Variants in SLC39A11 observed in about 807,000 individuals in gnomAD.
The protein encoded by SLC39A11 is solute carrier family 39 member 11, also known as zinc transporter ZIP11.
Under a neutral mutation model 36.1 loss-of-function variants are expected in SLC39A11, and 33 were observed. The ratio of observed to expected loss-of-function variants is 0.91; its 90% CI spans 0.69 to 1.22. SLC39A11 has a LOEUF of 1.22. Ranked by LOEUF, SLC39A11 falls within the 50% of genes most tolerant of loss-of-function variation. The pLI, the probability that SLC39A11 is intolerant of heterozygous loss-of-function variation, is 0.00. For missense variants in SLC39A11, 432 were observed against 430.3 expected (o/e 1.00, Z -0.03); for synonymous variants, 166 against 170.3 (o/e 0.97, Z 0.20).
At chr17:72,702,096 ACT>A (rs1486216856) in intron 7 of SLC39A11, among the ~76,000 whole-genome samples, 9 of 152,150 alleles carry the variant, frequency 5.9e-5, no homozygotes, top group Admixed American at 2.0e-4. Flanking sequence ...ATGGAGTGAG[ACT>A]CTGTCTCCAT....
chr17:72,731,062 T>C (rs2074196368), intron 7 of SLC39A11, among the ~76,000 whole-genome samples: 1 of 152,140 alleles, frequency 6.6e-6, no homozygotes, highest in South Asian at 2.1e-4. Context: ...CCATGCCCAT[T>C]TCTTTACGTA....
chr17:72,984,869 T>A (rs2088597646), intron 4 of SLC39A11, among the ~76,000 whole-genome samples: 1 of 152,208 alleles, frequency 6.6e-6, no homozygotes, highest in Non-Finnish European at 1.5e-5. Context: ...CATAACAATA[T>A]CCCAAATCTA....
rs181118177 is a variant in SLC39A11 at position 72,699,036 on chromosome 17, A to G, written c.671+37614T>C. On this transcript the variant is annotated intron_variant, in intron 7 of 9. Coordinates refer to ENST00000255559, the MANE Select transcript of SLC39A11 (RefSeq NM_139177.4). ...AGTAGAGACGGGGTTTCACCATGTT[A>G]GCCAGGATGGTCTCGATCTCCTGAC... 8.0e-4 allele frequency among the ~76,000 whole-genome samples: 121 copies of G among 152,150 alleles called. No individual in the cohort carries two copies. The East Asian group carries it at 0.019, about 24-fold the overall frequency.
chr17:72,951,846 C>T (rs976400290), intron 4 of SLC39A11, among the ~76,000 whole-genome samples: 1 of 152,120 alleles, frequency 6.6e-6, no homozygotes, highest in Non-Finnish European at 1.5e-5. Context: ...TTGTTCTTCC[C>T]TTACTTTCAG....
intron 5 of SLC39A11, among the ~76,000 whole-genome samples, chr17:72,877,541 T>C (rs1322309581): frequency 6.6e-6 from 1 of 152,136 alleles, no homozygotes. Flanking sequence ...AACCTACCAA[T>C]TACTTTTCCC....
chr17:72,889,790 A>C (rs1262699888), intron 5 of SLC39A11, among the ~76,000 whole-genome samples: 1 of 152,228 alleles, frequency 6.6e-6, no homozygotes, highest in East Asian at 1.9e-4. Context: ...TTGCACGGCA[A>C]TAGTTTTTTC....
chr17:72,678,118 T>C (rs2071354174), intron 7 of SLC39A11, among the ~76,000 whole-genome samples: 1 of 152,206 alleles, frequency 6.6e-6, no homozygotes, highest in Non-Finnish European at 1.5e-5. Context: ...ATAACTTTCC[T>C]GAGCTCACAG....
intron 5 of SLC39A11, among the ~76,000 whole-genome samples, chr17:72,877,045 A>C (rs1210941972): frequency 6.6e-6 from 1 of 152,244 alleles, no homozygotes; most frequent in African/African-American, 2.4e-5. Flanking sequence ...TGCATAATGT[A>C]GGTTAGTGTC....
chr17:72,971,653 T>C (rs990806097), intron 4 of SLC39A11, among the ~76,000 whole-genome samples: 3 of 152,316 alleles, frequency 2.0e-5, no homozygotes, highest in Admixed American at 6.5e-5. Flanking sequence ...CAGCAGCTCC[T>C]GGCTGTCCCA....
At chr17:72,741,895 G>T (rs1171196758) in intron 6 of SLC39A11, among the ~76,000 whole-genome samples, 1 of 152,104 alleles carries the variant, frequency 6.6e-6, no homozygotes, top group African/African-American at 2.4e-5. Context: ...TCATCAAAAA[G>T]AGGTAAGCAA....
At chr17:73,006,995 C>T (rs1036631148) in intron 4 of SLC39A11, among the ~76,000 whole-genome samples, 7 of 152,146 alleles carry the variant, frequency 4.6e-5, no homozygotes, top group African/African-American at 1.7e-4. Flanking sequence ...GGCTCTGTGC[C>T]AGGCGCTGGG....
At chr17:72,928,164 G>A (rs769187454) in intron 5 of SLC39A11, among the ~76,000 whole-genome samples, 17 of 152,290 alleles carry the variant, frequency 1.1e-4, no homozygotes, top group Middle Eastern at 6.8e-3. Flanking sequence ...AAAATAGCAG[G>A]ATGACTATTT....
At position 72,798,414 on chromosome 17, in the gene SLC39A11, C is replaced by CT. The variant is rs145211486; in HGVS notation, c.601+51219dup. Among the ~76,000 whole-genome samples, 33 of 140,662 alleles carry CT rather than the reference C, an allele frequency of 2.3e-4. 7 individuals are homozygous for CT. The highest frequency in any genetic ancestry group is 2.2e-4 in the South Asian group (1 of 4,530). 92.3% of individuals were successfully genotyped at this position (140,662 alleles called of 152,430 possible). A position where few individuals can be genotyped will look rare whatever the true frequency, so the allele number is the denominator to read the frequency against. ...GAGCTCTGGTCTCTTCCACTTCTTT[C>CT]TTTCTTTTTTTTTTTTTGAGATGGA... On this transcript the variant is annotated intron_variant, in intron 6 of 9. Transcript: ENST00000255559.
intron 4 of SLC39A11, among the ~76,000 whole-genome samples, chr17:72,958,775 T>C (rs2147889294): frequency 6.6e-6 from 1 of 150,736 alleles, no homozygotes. Flanking sequence ...TGCTTGAACC[T>C]GGGAGGCGGA....
rs62071179 is a variant in SLC39A11 at position 72,777,900 on chromosome 17, C to T, written c.602-41181G>A. Among the ~76,000 whole-genome samples the T allele has an allele frequency of 1.2e-3, 110 of 95,186 alleles. 1 individual carries two copies. Among genetic ancestry groups the T allele is most frequent in the African/African-American group, 2.9e-3 (103 of 36,064 alleles). The allele number at this position is 95,186 out of a possible 152,430, so 62.4% of individuals were successfully genotyped here. A position where few individuals can be genotyped will look rare whatever the true frequency, so the allele number is the denominator to read the frequency against. On this transcript the variant is annotated intron_variant, in intron 6 of 9. Coordinates refer to ENST00000255559, the MANE Select transcript of SLC39A11 (RefSeq NM_139177.4). ...ATGTATGTATGTATGTATGTATGTA[C>T]GTACATACTTACTTACTTATTTGAG...
Position 72,795,495 on chromosome 17 carries a change from C to G in SLC39A11, c.601+54139G>C, listed in dbSNP as rs145285457. ...AACAGAGCAACCAAGATGGAAGCCA[C>G]AGAGACTTCACTTGACCTCAACTCT... is the stretch of plus-strand genomic sequence containing the variant. On this transcript the variant is annotated intron_variant, in intron 6 of 9. Transcript: ENST00000255559. 8.6e-4 allele frequency among the ~76,000 whole-genome samples: 131 copies of G among 152,290 alleles called. 1 individual carries two copies. Among genetic ancestry groups the G allele is most frequent in the Non-Finnish European group, 1.4e-3 (97 of 68,022 alleles).
At chr17:72,680,891 C>CGA (rs2071483261) in intron 7 of SLC39A11, among the ~76,000 whole-genome samples, 1 of 152,160 alleles carries the variant, frequency 6.6e-6, no homozygotes, top group Non-Finnish European at 1.5e-5. Flanking sequence ...TTTCTACCTT[C>CGA]TGGCTATTGT....
chr17:72,881,375 T>G (rs2146550811), intron 5 of SLC39A11, among the ~76,000 whole-genome samples: 1 of 152,356 alleles, frequency 6.6e-6, no homozygotes, highest in East Asian at 1.9e-4. Context: ...TATGCACATA[T>G]GTCAAAATTT....
intron 7 of SLC39A11, among the ~76,000 whole-genome samples, chr17:72,664,324 G>C (rs1467604282): frequency 6.6e-6 from 1 of 152,216 alleles, no homozygotes; most frequent in Admixed American, 6.5e-5. Context: ...GATGCTGGAT[G>C]CCAAGCCCTC....
Sources: gnomAD v4.1 joint callset for allele counts (sites outside exome capture counted in the v4.1 genomes callset) on GRCh38, gnomAD v4.1.1 for gene constraint, MANE v1.5 for transcripts, NCBI Gene and HGNC (gene_info 2026-07-23, HGNC 2026-07-21) for gene names.